The following CLEC16A variants were observed in gnomAD, a reference collection of about 807,000 sequenced individuals.
The protein encoded by CLEC16A is C-type lectin domain containing 16A, also known as protein CLEC16A.
A neutral mutation model predicts 109.5 loss-of-function variants in CLEC16A; 51 were observed. That is an observed-to-expected ratio of 0.47 (90% CI 0.37 to 0.59). The LOEUF is 0.59. CLEC16A is among the 20% of genes least tolerant of loss of function. The pLI, the probability that CLEC16A is intolerant of heterozygous loss-of-function variation, is 0.00. For missense variants in CLEC16A, 1,339 were observed against 1,394.0 expected (o/e 0.96, Z 0.63); for synonymous variants, 673 against 564.2 (o/e 1.19, Z -2.73).
At chr16:11,175,856 G>A (rs891528995) in intron 23 of CLEC16A, among the ~76,000 whole-genome samples, 3 of 152,232 alleles carry the variant, frequency 2.0e-5, no homozygotes, top group Non-Finnish European at 4.4e-5. Flanking sequence ...AGGGAACGAA[G>A]TTGGCCAGCT....
chr16:11,022,824 G>A (rs1426928868), intron 12 of CLEC16A, among the ~76,000 whole-genome samples: 4 of 150,688 alleles, frequency 2.7e-5, no homozygotes, highest in South Asian at 2.1e-4. Context: ...GCGTGAACCC[G>A]GGAGGCAGAG....
intron 13 of CLEC16A, among the ~76,000 whole-genome samples, chr16:11,031,350 G>A (rs1470221141): frequency 1.3e-5 from 2 of 152,172 alleles, no homozygotes; most frequent in Non-Finnish European, 2.9e-5. Context: ...TGTTCTCCAT[G>A]GGCTTCCTTC....
At chr16:11,143,180 A>G (rs1048899648) in intron 22 of CLEC16A, among the ~76,000 whole-genome samples, 1 of 152,188 alleles carries the variant, frequency 6.6e-6, no homozygotes, top group Non-Finnish European at 1.5e-5. Flanking sequence ...TGACCTGGTG[A>G]GCTTGCAGTC....
intron 1 of CLEC16A, among the ~76,000 whole-genome samples, chr16:10,952,234 C>G (rs1223195428): frequency 1.3e-5 from 2 of 152,200 alleles, no homozygotes; most frequent in Non-Finnish European, 2.9e-5. Flanking sequence ...TGGCTCACAC[C>G]TGTAATCCCA....
At chr16:11,094,663 GGCCCT>G (rs2050502853) in intron 19 of CLEC16A, among the ~76,000 whole-genome samples, 25 of 152,056 alleles carry the variant, frequency 1.6e-4, no homozygotes, top group Admixed American at 1.6e-3. Context: ...TTTCCTGTGG[GGCCCT>G]GCATGCCTGC....
At chr16:11,031,660 G>C (rs188342406) in intron 13 of CLEC16A, among the ~76,000 whole-genome samples, 14 of 152,322 alleles carry the variant, frequency 9.2e-5, no homozygotes, top group Admixed American at 3.3e-4. Context: ...GGGATGCAGT[G>C]GTGAAGCAAA....
chr16:11,088,810 C>T (rs895701875), intron 19 of CLEC16A, among the ~76,000 whole-genome samples: 1 of 152,190 alleles, frequency 6.6e-6, no homozygotes, highest in Non-Finnish European at 1.5e-5. Flanking sequence ...TGGGCTGAGT[C>T]GGGTGGGGGT....
intron 23 of CLEC16A, among the ~76,000 whole-genome samples, chr16:11,168,811 A>T (rs1226781158): frequency 6.6e-6 from 1 of 152,270 alleles, no homozygotes; most frequent in Non-Finnish European, 1.5e-5. Context: ...AGCCAAGGAC[A>T]GGAGAAGGGA....
At chr16:11,032,862 G>C (rs2046822341) in intron 13 of CLEC16A, among the ~76,000 whole-genome samples, 1 of 152,204 alleles carries the variant, frequency 6.6e-6, no homozygotes, top group Admixed American at 6.5e-5. Flanking sequence ...GCCCTGAAGA[G>C]GAATTGCCAT....
At chr16:11,048,755 G>C (rs747628645) in intron 17 of CLEC16A, among the ~76,000 whole-genome samples, 6 of 152,100 alleles carry the variant, frequency 3.9e-5, no homozygotes, top group Non-Finnish European at 7.4e-5. Flanking sequence ...CAGCCCCTTC[G>C]AGAGAGGCTC....
intron 8 of CLEC16A, 143 bp from the exon 9 acceptor site, chr16:10,979,186 A>G: frequency 1.6e-6 from 1 of 640,750 alleles, no homozygotes; most frequent in Non-Finnish European, 2.6e-6. Flanking sequence ...AGTAGCACCA[A>G]GAAAGGACAG....
chr16:10,952,369 C>T (rs2041780078), intron 1 of CLEC16A, among the ~76,000 whole-genome samples: 1 of 152,146 alleles, frequency 6.6e-6, no homozygotes, highest in African/African-American at 2.4e-5. Flanking sequence ...TGGCCTGCGC[C>T]TATAAACTCA....
Position 11,123,693 on chromosome 16 carries a change from C to G in CLEC16A, c.2269-49C>G, listed in dbSNP as rs755125740. On this transcript the variant is annotated intron_variant, in intron 20 of 23. Transcript: ENST00000409790. ...CATGATGCCACAGCTCCTAGCCACCCTCCTCCCAAACCCAACGAATGCCTT... is the reference window on the plus strand; with the variant it reads ...CATGATGCCACAGCTCCTAGCCACCGTCCTCCCAAACCCAACGAATGCCTT... 8 of 1,583,252 alleles carry G rather than the reference C, an allele frequency of 5.1e-6. No homozygotes were observed. In the Admixed American group the frequency reaches 1.0e-4, roughly 20 times the overall value.
At chr16:10,975,651 T>G (rs1415753311) in intron 7 of CLEC16A, among the ~76,000 whole-genome samples, 2 of 152,094 alleles carry the variant, frequency 1.3e-5, no homozygotes, top group Non-Finnish European at 2.9e-5. Context: ...AAATATCTTT[T>G]TTCTTTTCTT....
intron 10 of CLEC16A, among the ~76,000 whole-genome samples, chr16:10,985,220 A>AAAT (rs1555526163): frequency 3.7e-4 from 38 of 104,070 alleles, no homozygotes; most frequent in Middle Eastern, 0.011. Flanking sequence ...AAAAAAAAAA[A>AAAT]ATATATATAT....
intron 19 of CLEC16A, among the ~76,000 whole-genome samples, chr16:11,077,381 G>A (rs111465165): frequency 6.6e-6 from 1 of 151,524 alleles, no homozygotes; most frequent in Non-Finnish European, 1.5e-5. Context: ...CTGAGGCAGG[G>A]GAATTGCTTG....
chr16:11,049,556 A>T (rs112010732), intron 17 of CLEC16A, among the ~76,000 whole-genome samples: 99 of 152,318 alleles, frequency 6.5e-4, no homozygotes, highest in African/African-American at 2.2e-3. Flanking sequence ...TTCCAGAGAA[A>T]TACAAAGGTG....
At chr16:11,138,190 T>C (rs2053659116) in intron 22 of CLEC16A, among the ~76,000 whole-genome samples, 1 of 152,228 alleles carries the variant, frequency 6.6e-6, no homozygotes. Context: ...ACTAAGGCCC[T>C]TGATGAATCA....
chr16:11,047,369 G>A (rs764046304), intron 17 of CLEC16A, 27 bp downstream of exon 17: 14 of 1,583,062 alleles, frequency 8.8e-6, no homozygotes, highest in Middle Eastern at 1.7e-4. Context: ...GACACACTTG[G>A]GCTGGTGTGC....
Sources: gnomAD v4.1 joint callset for allele counts (sites outside exome capture counted in the v4.1 genomes callset) on GRCh38, gnomAD v4.1.1 for gene constraint, MANE v1.5 for transcripts, NCBI Gene and HGNC (gene_info 2026-07-23, HGNC 2026-07-21) for gene names.